Variants in ADGRV1 observed in about 807,000 individuals in gnomAD.
The protein encoded by ADGRV1 is G-protein coupled receptor 98.
In ADGRV1, 359 loss-of-function variants were observed where a neutral mutation model predicts 596.2. The observed-to-expected ratio is 0.60, with a 90% confidence interval of 0.55 to 0.66. The LOEUF (loss-of-function observed/expected upper bound fraction) is 0.66. Ranked by LOEUF, ADGRV1 falls within the 30% of genes least tolerant of loss-of-function variation. ADGRV1 has a pLI of 0.00. For missense variants in ADGRV1, 7,274 were observed against 7,575.6 expected, an observed-to-expected ratio of 0.96 and a Z score of 1.48; for synonymous variants, 2,681 against 2,679.2, an observed-to-expected ratio of 1.00 and a Z score of -0.02.
At chr5:91,149,831 C>CAACAA (rs1795871573) in intron 87 of ADGRV1, among the ~76,000 whole-genome samples, 199 bp from the exon 88 acceptor site, 1 of 85,926 alleles carries the variant, frequency 1.2e-5, no homozygotes. Context: ...AACTCCAGCT[C>CAACAA]AAAAAAAAAA....
intron 83 of ADGRV1, among the ~76,000 whole-genome samples, chr5:90,864,602 T>A (rs1467632906): frequency 6.6e-6 from 1 of 152,156 alleles, no homozygotes; most frequent in Non-Finnish European, 1.5e-5. Flanking sequence ...ATAGAGGAGA[T>A]GATATTGAGC....
chr5:91,146,256 T>C (rs1213109106), intron 87 of ADGRV1, among the ~76,000 whole-genome samples: 2 of 152,248 alleles, frequency 1.3e-5, no homozygotes, highest in East Asian at 3.8e-4. Flanking sequence ...CATATTTTAT[T>C]GGCTGAACAT....
rs545986746 is a variant in ADGRV1, at chr5:91,145,880, A to G, written c.18433-4150A>G. On this transcript the variant is annotated intron_variant, in intron 87 of 89. Coordinates refer to ENST00000405460, the MANE Select transcript of ADGRV1 (RefSeq NM_032119.4). ...GGCAGCAGAAATCAAACACTAGCCT[A>G]CATACCTAGAGCATTGCCCTCTAAT... Among the ~76,000 whole-genome samples the G allele has an allele frequency of 3.3e-5, 5 of 152,358 alleles. No individual in the cohort carries two copies. In the East Asian group the frequency reaches 7.7e-4, roughly 23 times the overall value.
rs75014033 is a variant in ADGRV1, at chr5:91,144,717, A to G, written c.18433-5313A>G. Among the ~76,000 whole-genome samples the G allele has an allele frequency of 2.9e-3, 446 of 152,356 alleles. 10 individuals carry two copies. The East Asian group carries it at 0.073, about 25-fold the overall frequency. On this transcript the variant is annotated intron_variant, in intron 87 of 89. Transcript: ENST00000405460. ...CCTTCCCTGTAAGCTTTCACTAGGT[A>G]AAGAATAGGAAGAACAGATGGATTA...
intron 89 of ADGRV1, 24 bp from the exon 90 acceptor site, chr5:91,163,758 G>A (rs1284334463): frequency 2.9e-6 from 3 of 1,047,958 alleles, no homozygotes; most frequent in East Asian, 2.5e-5. Context: ...TTGGATTTTT[G>A]TGTTCATTCT....
At chr5:90,633,057 C>T (rs1289917578) in intron 9 of ADGRV1, among the ~76,000 whole-genome samples, 1 of 152,144 alleles carries the variant, frequency 6.6e-6, no homozygotes, top group Non-Finnish European at 1.5e-5. Context: ...ACCCTCTCAG[C>T]TAAATACGTT....
chr5:90,950,191 A>G (rs967631724), intron 83 of ADGRV1, among the ~76,000 whole-genome samples: 32 of 152,190 alleles, frequency 2.1e-4, no homozygotes, highest in Non-Finnish European at 1.5e-5. Context: ...TTTAAGATAT[A>G]TTAGTATATC....
chr5:90,652,311 C>G, intron 18 of ADGRV1, 35 bp from the exon 19 acceptor site: 1 of 1,426,230 alleles, frequency 7.0e-7, no homozygotes, highest in Non-Finnish European at 9.6e-7. Context: ...GAGTAAGATT[C>G]ACTACTTATA....
At chr5:91,142,328 G>A (rs1403856821) in intron 87 of ADGRV1, among the ~76,000 whole-genome samples, 1 of 152,126 alleles carries the variant, frequency 6.6e-6, no homozygotes, top group Admixed American at 6.5e-5. Context: ...CTTTCTAGGA[G>A]GTTACAGCTT....
At chr5:90,578,551 A>G (rs992508309) in intron 1 of ADGRV1, among the ~76,000 whole-genome samples, 11 of 152,188 alleles carry the variant, frequency 7.2e-5, no homozygotes, top group Non-Finnish European at 1.3e-4. Flanking sequence ...GATGTTCATC[A>G]GGGATATTGG....
intron 34 of ADGRV1, 128 bp from the exon 35 acceptor site, chr5:90,703,537 A>G: frequency 1.6e-6 from 1 of 621,474 alleles, no homozygotes; most frequent in Non-Finnish European, 2.7e-6. Context: ...TTCAAAACAA[A>G]ACAGCTTTGT....
rs954392890 is a variant in ADGRV1 at position 90,756,444 on chromosome 5, C to T, written c.11581-10C>T. ...AAAATGAAACACCATCTTTTTCCCC[C>T]ATCCCCCAGGATGACCTTCCTGAAT... On this transcript the variant is annotated splice_polypyrimidine_tract_variant and intron_variant, in intron 55 of 89. Transcript: ENST00000405460. 7.1e-7 allele frequency: 1 copy of T among 1,403,906 alleles called. No homozygotes were observed. The highest frequency in any genetic ancestry group is 9.5e-7 in the Non-Finnish European group (1 of 1,053,412). 87.0% of individuals were successfully genotyped at this position (1,403,906 alleles called of 1,614,324 possible). A position where few individuals can be genotyped will look rare whatever the true frequency, so the allele number is the denominator to read the frequency against.
intron 85 of ADGRV1, among the ~76,000 whole-genome samples, chr5:91,004,446 T>A (rs993609204): frequency 9.2e-5 from 14 of 151,634 alleles, no homozygotes; most frequent in Admixed American, 3.3e-4. Flanking sequence ...AAAAAAAAAA[T>A]TTCGTAAAAT....
At chr5:90,574,151 C>A (rs1240538698) in intron 1 of ADGRV1, among the ~76,000 whole-genome samples, 1 of 151,006 alleles carries the variant, frequency 6.6e-6, no homozygotes, top group Non-Finnish European at 1.5e-5. Context: ...TTTTCGGTTC[C>A]ATGTTAATTT....
At chr5:90,739,770 C>G (rs1216391329) in intron 50 of ADGRV1, among the ~76,000 whole-genome samples, 1 of 152,154 alleles carries the variant, frequency 6.6e-6, no homozygotes, top group Admixed American at 6.5e-5. Flanking sequence ...GTCTAGATTG[C>G]TACTTAACTA....
chr5:90,825,706 A>G (rs1363754886), intron 76 of ADGRV1: 3 of 152,308 alleles, frequency 2.0e-5, no homozygotes, highest in East Asian at 1.9e-4. Context: ...AGGGTAGACT[A>G]CTTCCTCTGA....
chr5:90,694,305 G>A lies in ADGRV1; in HGVS notation c.7549G>A (p.Asp2517Asn), dbSNP rs747180683. 1 of 1,613,990 alleles carries A rather than the reference G, an allele frequency of 6.2e-7. No homozygotes were observed. Among genetic ancestry groups the A allele is most frequent in the Non-Finnish European group, 8.5e-7 (1 of 1,179,878 alleles). ...GCAATGGGCCATAATGCAGGAAGGT[G>A]ATGAATTCGCAAATCTCACAGTGTC... ...TRQWAIMQEG[D>N]EFANLTVSIL... The change falls in exon 33 of 90, where the codon GAT (aspartate) becomes AAT (asparagine). Residue 2517 changes from aspartate (D) to asparagine (N), a missense_variant. Physicochemically the swap from Asp to Asn is conservative, Grantham distance 23. Coordinates refer to ENST00000405460, the MANE Select transcript of ADGRV1 (RefSeq NM_032119.4).
chr5:90,596,288 C>T (rs1031062841), intron 1 of ADGRV1, among the ~76,000 whole-genome samples: 16 of 151,120 alleles, frequency 1.1e-4, no homozygotes, highest in East Asian at 3.9e-4. Flanking sequence ...CGGGCAGAGA[C>T]GCTCCTCACT....
In ADGRV1 at chr5:90,639,163, C is replaced by T. The variant is rs530713597; in HGVS notation, c.2240+1215C>T. 5.3e-5 allele frequency among the ~76,000 whole-genome samples: 8 copies of T among 151,972 alleles called. No individual in the cohort carries two copies. The East Asian group carries it at 1.5e-3, about 29-fold the overall frequency. On this transcript the variant is annotated intron_variant, in intron 11 of 89. Transcript: ENST00000405460. ...TTTTAATATATGTTTCAGACTCGAT[C>T]TTAAGAAAAGGTATTTCATACGATG...
Sources: allele counts gnomAD v4.1 joint callset (sites outside exome capture counted in the v4.1 genomes callset), GRCh38; gene constraint gnomAD v4.1.1; transcripts MANE v1.5; gene names NCBI Gene and HGNC (gene_info 2026-07-23, HGNC 2026-07-21).